CDH12: variants seen among roughly 807,000 people sequenced by gnomAD.
The protein encoded by CDH12 is cadherin-12.
In CDH12, 41 loss-of-function variants were observed where a neutral mutation model predicts 74.1. The observed-to-expected ratio is 0.55, with a 90% confidence interval of 0.43 to 0.72. CDH12 has a LOEUF of 0.72. Ranked by LOEUF, CDH12 falls within the 30% of genes least tolerant of loss-of-function variation. The probability of loss-of-function intolerance (pLI) is 0.00; values close to 1 mark genes in which losing one functional copy is unlikely to be tolerated. For synonymous variants in CDH12, 399 were observed against 355.0 expected (o/e 1.12, Z -1.39); for missense variants, 945 against 977.2 (o/e 0.97, Z 0.44).
intron 3 of CDH12, among the ~76,000 whole-genome samples, chr5:22,257,481 TTTTATTTATTTATTTA>T (rs71609758): frequency 6.9e-6 from 1 of 144,956 alleles, no homozygotes; most frequent in Non-Finnish European, 1.5e-5. Context: ...TATTTTTTAT[TTTTATTTATTTATTTA>T]TTTATTTATT....
At chr5:22,161,933 T>C (rs1284266347) in intron 4 of CDH12, among the ~76,000 whole-genome samples, 7 of 151,760 alleles carry the variant, frequency 4.6e-5, no homozygotes, top group African/African-American at 1.7e-4. Flanking sequence ...GGGATTAATC[T>C]TTCATTAAAC....
intron 1 of CDH12, among the ~76,000 whole-genome samples, chr5:22,567,274 A>G (rs1739334970): frequency 6.6e-6 from 1 of 152,218 alleles, no homozygotes; most frequent in African/African-American, 2.4e-5. Context: ...AAGATGCTAA[A>G]GAGGTACCAC....
intron 1 of CDH12, among the ~76,000 whole-genome samples, chr5:22,744,668 T>A (rs1745205612): frequency 6.6e-6 from 1 of 152,174 alleles, no homozygotes. Flanking sequence ...ATTTTTGTTG[T>A]TTGTTTAAAT....
intron 4 of CDH12, among the ~76,000 whole-genome samples, chr5:22,136,979 C>T (rs991282864): frequency 3.4e-4 from 52 of 151,352 alleles, no homozygotes; most frequent in African/African-American, 1.2e-3. Context: ...AATAACCAAA[C>T]ATGAGCTGAC....
At chr5:22,069,580 C>T (rs549504729) in intron 5 of CDH12, among the ~76,000 whole-genome samples, 68 of 152,260 alleles carry the variant, frequency 4.5e-4, no homozygotes, top group African/African-American at 1.6e-3. Flanking sequence ...CAGAAGGAGG[C>T]ATGTTTCCAC....
At chr5:22,087,663 GA>G (rs562509885) in intron 4 of CDH12, among the ~76,000 whole-genome samples, 1 of 151,964 alleles carries the variant, frequency 6.6e-6, no homozygotes, top group Admixed American at 6.6e-5. Flanking sequence ...AAAAGAATGG[GA>G]AAAAAATAAT....
intron 3 of CDH12, among the ~76,000 whole-genome samples, chr5:22,255,720 T>G (rs1753287202): frequency 6.6e-6 from 1 of 151,756 alleles, no homozygotes; most frequent in Non-Finnish European, 1.5e-5. Flanking sequence ...GAATATATAA[T>G]GAAACTACAT....
chr5:22,591,604 C>G (rs1288407071), intron 1 of CDH12, among the ~76,000 whole-genome samples: 1 of 152,040 alleles, frequency 6.6e-6, no homozygotes, highest in Non-Finnish European at 1.5e-5. Flanking sequence ...TTCCAAAATG[C>G]CTCATACTAC....
At chr5:22,728,343 T>C (rs1319550105) in intron 1 of CDH12, among the ~76,000 whole-genome samples, 4 of 151,900 alleles carry the variant, frequency 2.6e-5, no homozygotes, top group African/African-American at 9.7e-5. Flanking sequence ...GTAGTTATTT[T>C]AAATTCTATG....
chr5:22,619,134 T>C lies in CDH12; in HGVS notation c.-522-113770A>G, dbSNP rs1282525600. Among the ~76,000 whole-genome samples, 5 of 152,132 alleles carry C rather than the reference T, an allele frequency of 3.3e-5. No homozygotes were observed. The East Asian group carries it at 7.7e-4, about 23-fold the overall frequency. On this transcript the variant is annotated intron_variant, in intron 1 of 14. Coordinates refer to ENST00000382254, the MANE Select transcript of CDH12 (RefSeq NM_004061.5). ...TTTGTGTGAGCCCCATTTCTAATAG[T>C]AGGCTCAGAACAGTTCCATTTATAT...
At chr5:21,792,547 A>T (rs1440155102) in intron 10 of CDH12, among the ~76,000 whole-genome samples, 2 of 150,790 alleles carry the variant, frequency 1.3e-5, no homozygotes, top group African/African-American at 4.9e-5. Flanking sequence ...TGTTGAAATT[A>T]TAATTGTTGT....
At chr5:21,878,834 AAAG>A (rs1752084150) in intron 6 of CDH12, among the ~76,000 whole-genome samples, 2 of 151,070 alleles carry the variant, frequency 1.3e-5, no homozygotes, top group South Asian at 2.1e-4. Flanking sequence ...AAAGAAAAGA[AAAG>A]AAAGAGAGGG....
intron 1 of CDH12, among the ~76,000 whole-genome samples, chr5:22,512,907 C>T (rs1430803391): frequency 6.6e-6 from 1 of 152,024 alleles, no homozygotes; most frequent in East Asian, 1.9e-4. Context: ...ACTAAAAATA[C>T]AAAAAGTTAG....
At chr5:22,080,698 T>C (rs188235650) in intron 4 of CDH12, among the ~76,000 whole-genome samples, 154 of 152,314 alleles carry the variant, frequency 1.0e-3, no homozygotes, top group African/African-American at 3.5e-3. Context: ...GTATCTTTTT[T>C]TTTATCACTT....
chr5:22,174,575 G>C (rs1158701815), intron 4 of CDH12, among the ~76,000 whole-genome samples: 1 of 151,860 alleles, frequency 6.6e-6, no homozygotes. Flanking sequence ...CATAGCTTTA[G>C]GTAAGAAATG....
intron 1 of CDH12, among the ~76,000 whole-genome samples, chr5:22,832,474 T>C (rs1198259186): frequency 6.6e-6 from 1 of 152,078 alleles, no homozygotes; most frequent in Non-Finnish European, 1.5e-5. Context: ...GTTAAAATTA[T>C]TAGAGTGTTG....
intron 2 of CDH12, among the ~76,000 whole-genome samples, chr5:22,461,482 C>CA (rs201972772): frequency 0.027 from 3,283 of 121,724 alleles, 75 homozygotes; most frequent in African/African-American, 0.067. Flanking sequence ...TAAAAAAAAG[C>CA]AAAAAAAAAA....
chr5:22,490,540 CAA>C lies in CDH12; in HGVS notation c.-428+14728_-428+14729del, dbSNP rs143322241. Among the ~76,000 whole-genome samples, 246 of 149,306 alleles carry C rather than the reference CAA, an allele frequency of 1.6e-3. 3 individuals are homozygous for C. In the East Asian group the frequency reaches 0.045, roughly 27 times the overall value. On this transcript the variant is annotated intron_variant, in intron 2 of 14. Transcript: ENST00000382254. ...CCCCCATTCATAAGAAAAAAATTCA[CAA>C]AGACAGAAAATCCATAGATGAAAAT...
intron 1 of CDH12, among the ~76,000 whole-genome samples, chr5:22,831,371 C>CTGTGTGTGTGTGTG (rs70959760): frequency 1.7e-4 from 25 of 146,750 alleles, no homozygotes; most frequent in African/African-American, 5.3e-4. Context: ...GTGTGTGTGT[C>CTGTGTGTGTGTGTG]TGTGTGTGTG....
Sources: allele counts gnomAD v4.1 joint callset (sites outside exome capture counted in the v4.1 genomes callset), GRCh38; gene constraint gnomAD v4.1.1; transcripts MANE v1.5; gene names NCBI Gene and HGNC (gene_info 2026-07-23, HGNC 2026-07-21).